Variants in ST18 observed in about 807,000 individuals in gnomAD.
The protein encoded by ST18 is ST18 C2H2C-type zinc finger transcription factor.
A neutral mutation model predicts 110.0 loss-of-function variants in ST18; 50 were observed. The ratio of observed to expected loss-of-function variants is 0.45; its 90% confidence interval spans 0.36 to 0.58. ST18 has a LOEUF of 0.58. Ranked by LOEUF, ST18 falls within the 20% of genes least tolerant of loss-of-function variation. The pLI is 0.00. For synonymous variants in ST18, 461 were observed against 452.4 expected (o/e 1.02, Z -0.24); for missense variants, 1,306 against 1,280.1 (o/e 1.02, Z -0.31).
In ST18 at chr8:52,113,109, T is replaced by G. The variant is rs1346922686; in HGVS notation, c.*89A>C. On this transcript the variant is annotated 3_prime_UTR_variant, in exon 26 of 26. Transcript: ENST00000689386. ...AAATTGTAAATGCAGTACGGCAACC[T>G]CCACGCCTTAGCAGTACATGAACCT... 16 of 1,504,550 alleles carry G rather than the reference T, an allele frequency of 1.1e-5. No individual in the cohort carries two copies. Among genetic ancestry groups the G allele is most frequent in the Non-Finnish European group, 1.3e-5 (15 of 1,118,568 alleles). 93.2% of individuals were successfully genotyped at this position (1,504,550 alleles called of 1,614,324 possible).
chr8:52,349,022 A>G (rs1013758040), intron 2 of ST18, among the ~76,000 whole-genome samples: 3 of 151,752 alleles, frequency 2.0e-5, no homozygotes, highest in African/African-American at 7.3e-5. Flanking sequence ...CGCCCCAACC[A>G]TTCTCTAGTC....
intron 16 of ST18, among the ~76,000 whole-genome samples, chr8:52,148,557 A>C (rs919736343): frequency 1.3e-5 from 2 of 152,160 alleles, no homozygotes; most frequent in Admixed American, 6.5e-5. Flanking sequence ...TGACTGTGGC[A>C]CACAAGCATG....
intron 2 of ST18, among the ~76,000 whole-genome samples, chr8:52,343,352 C>T (rs567991421): frequency 6.6e-6 from 1 of 152,206 alleles, no homozygotes; most frequent in Non-Finnish European, 1.5e-5. Context: ...TCACGCTCCT[C>T]ATCTCCCTTC....
At chr8:52,313,650 A>G (rs951151829) in intron 2 of ST18, 1 of 152,448 alleles carries the variant, frequency 6.6e-6, no homozygotes, top group African/African-American at 2.4e-5. Flanking sequence ...CAGTGCAGCC[A>G]CCCTTGCCTG....
At chr8:52,206,238 G>A (rs1049329574) in intron 8 of ST18, among the ~76,000 whole-genome samples, 21 of 152,164 alleles carry the variant, frequency 1.4e-4, no homozygotes, top group African/African-American at 4.8e-4. Context: ...ACCAGACGCT[G>A]TGCACATTGT....
rs1177130414 is a variant in ST18 at position 52,214,288 on chromosome 8, T to C, written c.1-31A>G. 3.1e-6 allele frequency: 5 copies of C among 1,611,848 alleles called. No individual in the cohort carries two copies. In the African/African-American group the frequency reaches 5.3e-5, roughly 17 times the overall value. On this transcript the variant is annotated intron_variant, in intron 6 of 25. Transcript: ENST00000689386. ...ACATGAACACAAAGTCCTGAGGTCA[T>C]TCCTTTGACATTGACCAAAATATGA...
rs567343675 is a variant in ST18, at chr8:52,393,739, C to G, written c.-465+15589G>C. On this transcript the variant is annotated intron_variant, in intron 2 of 25. Coordinates refer to ENST00000689386, the MANE Select transcript of ST18 (RefSeq NM_001352837.2). ...CTCTACCAAAAATACAAAAATTAGC[C>G]GGTCGTGGTGGCAGACACTTGTAAT... The G allele has an allele frequency of 1.3e-5, 2 of 151,912 alleles. 1 individual carries two copies. The highest frequency in any genetic ancestry group is 4.1e-4 in the South Asian group (2 of 4,822). The allele number at this position is 151,912 out of a possible 1,614,324, so 9.4% of individuals were successfully genotyped here.
chr8:52,245,660 T>A (rs2093786385), intron 2 of ST18, among the ~76,000 whole-genome samples: 1 of 152,148 alleles, frequency 6.6e-6, no homozygotes. Flanking sequence ...TTTATTAGAA[T>A]AGTATCAATT....
intron 2 of ST18, among the ~76,000 whole-genome samples, chr8:52,258,095 G>A (rs1372407244): frequency 6.6e-6 from 1 of 152,126 alleles, no homozygotes. Context: ...GTAGACATGG[G>A]AATTTATTTC....
intron 2 of ST18, among the ~76,000 whole-genome samples, chr8:52,256,360 T>C (rs1220980142): frequency 6.6e-6 from 1 of 152,182 alleles, no homozygotes; most frequent in Non-Finnish European, 1.5e-5. Context: ...ATGTCCAATC[T>C]GGTTTTTTGT....
intron 8 of ST18, among the ~76,000 whole-genome samples, chr8:52,181,036 G>T (rs556525455): frequency 6.6e-6 from 1 of 152,276 alleles, no homozygotes; most frequent in South Asian, 2.1e-4. Flanking sequence ...TCCTGAGGGT[G>T]GCCCTTTCAA....
chr8:52,351,331 T>C (rs1820232105), intron 2 of ST18, among the ~76,000 whole-genome samples: 1 of 152,186 alleles, frequency 6.6e-6, no homozygotes, highest in Non-Finnish European at 1.5e-5. Context: ...CTTCACTGAA[T>C]CTGCAGAGTA....
At chr8:52,184,936 G>A (rs2071419425) in intron 8 of ST18, among the ~76,000 whole-genome samples, 1 of 152,094 alleles carries the variant, frequency 6.6e-6, no homozygotes. Flanking sequence ...GGGCCAAGAA[G>A]TATGAATCTG....
At position 52,111,972 on chromosome 8, in the gene ST18, CTG is replaced by C. The variant is rs951713647; in HGVS notation, c.*1224_*1225del. ...TCTGTGTGTGTGTGTGTGTGTGTGTCTGTGTGTGAGTATGCCTGTGTGTGTGA... is the reference window on the plus strand; with the variant it reads ...TCTGTGTGTGTGTGTGTGTGTGTGTCTGTGTGAGTATGCCTGTGTGTGTGA... On this transcript the variant is annotated 3_prime_UTR_variant, in exon 26 of 26. Transcript: ENST00000689386. 5 of 149,320 alleles carry C rather than the reference CTG, an allele frequency of 3.3e-5. No homozygotes were observed. Among genetic ancestry groups the C allele is most frequent in the African/African-American group, 9.9e-5 (4 of 40,388 alleles). 9.2% of individuals were successfully genotyped at this position (149,320 alleles called of 1,614,324 possible).
At position 52,270,245 on chromosome 8, in the gene ST18, T is replaced by A. The variant is rs150888642; in HGVS notation, c.-464-40168A>T. 3.8e-3 allele frequency among the ~76,000 whole-genome samples: 585 copies of A among 152,306 alleles called. 3 individuals are homozygous for A. Among genetic ancestry groups the A allele is most frequent in the African/African-American group, 0.013 (558 of 41,568 alleles). On this transcript the variant is annotated intron_variant, in intron 2 of 25. Transcript: ENST00000689386. The stretch of plus-strand genomic sequence containing the variant: ...ACCTCATAGCATAAGAGTTAAATCG[T>A]CTAAACTCTGTAAAAATCATTTTAG...
intron 8 of ST18, among the ~76,000 whole-genome samples, chr8:52,196,148 G>A (rs770563787): frequency 5.9e-5 from 9 of 152,150 alleles, no homozygotes; most frequent in Non-Finnish European, 7.3e-5. Flanking sequence ...GAGGTTTGGG[G>A]GCAGAGGATA....
intron 2 of ST18, among the ~76,000 whole-genome samples, chr8:52,276,139 C>CCACACACATCA (rs1352917510): frequency 2.8e-4 from 2 of 7,076 alleles, no homozygotes; most frequent in African/African-American, 9.0e-4. Flanking sequence ...CACACACACA[C>CCACACACATCA]CACATGCACA....
intron 8 of ST18, 144 bp from the exon 9 acceptor site, chr8:52,180,456 C>T: frequency 1.3e-6 from 1 of 798,304 alleles, no homozygotes; most frequent in South Asian, 1.8e-5. Context: ...ACAAAAACAT[C>T]CCATCTGTGG....
chr8:52,327,847 C>T (rs6987777), intron 2 of ST18, among the ~76,000 whole-genome samples: 2,470 of 152,318 alleles, frequency 0.016, 56 homozygotes, highest in African/African-American at 0.057. Flanking sequence ...CACAAAGCCA[C>T]TCCATTTTAG....
Sources: allele counts gnomAD v4.1 joint callset (sites outside exome capture counted in the v4.1 genomes callset), GRCh38; gene constraint gnomAD v4.1.1; transcripts MANE v1.5; gene names NCBI Gene and HGNC (gene_info 2026-07-23, HGNC 2026-07-21).